The following TMEM44 variants were observed in gnomAD, a reference collection of about 807,000 sequenced individuals.
The protein encoded by TMEM44 is transmembrane protein 44.
A neutral mutation model predicts 47.8 loss-of-function variants in TMEM44; 43 were observed. The ratio of observed to expected loss-of-function variants is 0.90; its 90% CI spans 0.70 to 1.16. The LOEUF (loss-of-function observed/expected upper bound fraction) is 1.16, where lower values mean the gene tolerates loss of function less well. Among genes scored for constraint, TMEM44 ranks in the 50% most tolerant of loss-of-function variants. The pLI is 0.00. For missense variants in TMEM44, 568 were observed against 555.2 expected, an observed-to-expected ratio of 1.02 and a Z score of -0.23; for synonymous variants, 277 against 238.8, an observed-to-expected ratio of 1.16 and a Z score of -1.48.
At chr3:194,624,709 A>G (rs6800972) in intron 3 of TMEM44, among the ~76,000 whole-genome samples, 124,120 of 151,142 alleles carry the variant, frequency 0.82, 51,046 homozygotes, top group South Asian at 0.9. Flanking sequence ...ATGAGCCACC[A>G]CACCACTTGG....
intron 3 of TMEM44, 79 bp downstream of exon 3, chr3:194,625,818 G>T: frequency 7.7e-7 from 1 of 1,294,160 alleles, no homozygotes; most frequent in Non-Finnish European, 1.1e-6. Context: ...CCCGCTCTGG[G>T]AGTGATAAGG....
chr3:194,612,743 CA>C (rs1715455245), intron 7 of TMEM44, among the ~76,000 whole-genome samples: 1 of 152,150 alleles, frequency 6.6e-6, no homozygotes, highest in Non-Finnish European at 1.5e-5. Flanking sequence ...CGACTCACTG[CA>C]AGCTCCGCCT....
rs772175905 is a variant in TMEM44, at chr3:194,615,683, C to T, written c.798G>A (p.Ser266=). The change falls in exon 7 of 10, where the codon TCG becomes TCA. Residue 266 remains serine, a synonymous_variant. Transcript: ENST00000347147. ...AALDLAIIFL[S]CVMKSKMRQA... is the part of the protein sequence containing the mutation. Reference sequence around the variant, plus strand: ...GTCTCATCTTGCTCTTCATCACACACGAAAGGAAAATAATCTGAGATGGTG... The same window carrying T: ...GTCTCATCTTGCTCTTCATCACACATGAAAGGAAAATAATCTGAGATGGTG... 37 of 1,613,806 alleles carry T rather than the reference C, an allele frequency of 2.3e-5. 1 individual carries two copies. The highest frequency in any genetic ancestry group is 3.3e-5 in the South Asian group (3 of 91,084).
intron 9 of TMEM44, among the ~76,000 whole-genome samples, chr3:194,596,675 C>A (rs1022451977): frequency 6.6e-6 from 1 of 152,158 alleles, no homozygotes; most frequent in Non-Finnish European, 1.5e-5. Context: ...CCTGTAATCT[C>A]AGCTACTCGG....
intron 5 of TMEM44, among the ~76,000 whole-genome samples, chr3:194,620,949 C>T (rs1716468552): frequency 6.6e-6 from 1 of 151,744 alleles, no homozygotes; most frequent in Admixed American, 6.6e-5. Flanking sequence ...TCACTGGAAC[C>T]CGGGAGGCAG....
intron 2 of TMEM44, among the ~76,000 whole-genome samples, chr3:194,626,331 A>C (rs1717177541): frequency 2.0e-5 from 3 of 152,232 alleles, no homozygotes; most frequent in Admixed American, 2.0e-4. Flanking sequence ...TCTGGCGCTC[A>C]GTTTCCCCAT....
At chr3:194,623,747 G>C in intron 3 of TMEM44, 52 bp from the exon 4 acceptor site, 1 of 1,607,606 alleles carries the variant, frequency 6.2e-7, no homozygotes, top group African/African-American at 1.3e-5. Flanking sequence ...GACCTTGTCA[G>C]ATCAGATAGC....
At chr3:194,631,560 T>C (rs757379609) in intron 1 of TMEM44, among the ~76,000 whole-genome samples, 1 of 152,106 alleles carries the variant, frequency 6.6e-6, no homozygotes, top group Non-Finnish European at 1.5e-5. Flanking sequence ...GGAGTGGAGA[T>C]TCTTAAATTG....
At position 194,604,293 on chromosome 3, in the gene TMEM44, G is replaced by C; in HGVS notation, c.1170C>G (p.Asp390Glu). 6.3e-7 allele frequency: 1 copy of C among 1,578,948 alleles called. No homozygotes were observed. Among genetic ancestry groups the C allele is most frequent in the African/African-American group, 1.3e-5 (1 of 74,178 alleles). The change falls in exon 9 of 10, where the codon GAC (aspartate) becomes GAG (glutamate). Residue 390 changes from aspartate (D) to glutamate (E), a missense_variant. Coordinates refer to ENST00000347147, the MANE Select transcript of TMEM44 (RefSeq NM_001011655.3). ...GCAGGCAACAGCCGTGTACCTCCAG[G>C]TCGGAGTTGATGGAGGAGACCTCAG... Reference protein sequence around the residue: ...SSSEVSSINSDLEWDPEDVNL... With the variant: ...SSSEVSSINSELEWDPEDVNL...
At chr3:194,600,149 T>C (rs1011001816) in intron 9 of TMEM44, among the ~76,000 whole-genome samples, 5 of 152,134 alleles carry the variant, frequency 3.3e-5, no homozygotes, top group African/African-American at 1.2e-4. Context: ...TGGAGTGCAG[T>C]GGCACAATCT....
chr3:194,605,152 CTATCTATG>C (rs1231511014), intron 8 of TMEM44, among the ~76,000 whole-genome samples: 94 of 122,790 alleles, frequency 7.7e-4, no homozygotes, highest in African/African-American at 1.9e-3. Context: ...ATGTATGTAT[CTATCTATG>C]TATCTATTTA....
chr3:194,604,343 C>T lies in TMEM44; in HGVS notation c.1120G>A (p.Ala374Thr). The change falls in exon 9 of 10, where the codon GCC becomes ACC. Residue 374 changes from alanine to threonine, a missense_variant. By Grantham distance (58) the Ala-to-Thr change is moderately conservative. Transcript: ENST00000347147. ...PSYPPVQVIR[A>T]RVSSGSSSEV... ...GAGGAGCTGCCGGAAGACACCCGGGCCCGGATGACCTGAACGGGAGGGTAC... is the reference window on the plus strand; with the variant it reads ...GAGGAGCTGCCGGAAGACACCCGGGTCCGGATGACCTGAACGGGAGGGTAC... 1 of 1,575,116 alleles carries T rather than the reference C, an allele frequency of 6.3e-7. No individual in the cohort carries two copies. The highest frequency in any genetic ancestry group is 8.6e-7 in the Non-Finnish European group (1 of 1,160,778).
At chr3:194,599,589 T>TTCTTTTC (rs769609540) in intron 9 of TMEM44, among the ~76,000 whole-genome samples, 2,404 of 57,140 alleles carry the variant, frequency 0.042, 77 homozygotes, top group African/African-American at 0.13. Context: ...TTCTTTTCTT[T>TTCTTTTC]TTTTTTTTTT....
chr3:194,619,274 G>A (rs1158729995), intron 5 of TMEM44, among the ~76,000 whole-genome samples: 1 of 152,244 alleles, frequency 6.6e-6, no homozygotes, highest in African/African-American at 2.4e-5. Context: ...AAAAAATAGA[G>A]AGCTCTATTT....
At chr3:194,597,183 A>C (rs1713521921) in intron 9 of TMEM44, 1 of 152,218 alleles carries the variant, frequency 6.6e-6, no homozygotes, top group Non-Finnish European at 1.5e-5. Flanking sequence ...CCAATGACAG[A>C]AACAGCCTCC....
At position 194,630,404 on chromosome 3, in the gene TMEM44, T is replaced by G. The variant is rs560641746; in HGVS notation, c.138-1895A>C. ...GGCTGGCTGTTTCCGTCGGCATCAC[T>G]GATAGGGCCCCTGAAATAATACGCT... is the stretch of plus-strand genomic sequence containing the variant. On this transcript the variant is annotated intron_variant, in intron 1 of 9. Transcript: ENST00000347147. Among the ~76,000 whole-genome samples the G allele has an allele frequency of 3.0e-3, 368 of 123,350 alleles. 10 individuals are homozygous for G. Among genetic ancestry groups the G allele is most frequent in the African/African-American group, 0.011 (329 of 30,336 alleles). 80.9% of individuals were successfully genotyped at this position (123,350 alleles called of 152,430 possible).
chr3:194,590,828 T>C (rs1246019208), intron 9 of TMEM44, among the ~76,000 whole-genome samples: 1 of 152,198 alleles, frequency 6.6e-6, no homozygotes, highest in African/African-American at 2.4e-5. Context: ...TGCTGAAGAA[T>C]GATTCTTGCC....
At chr3:194,623,975 G>A (rs1372168976) in intron 3 of TMEM44, among the ~76,000 whole-genome samples, 1 of 152,086 alleles carries the variant, frequency 6.6e-6, no homozygotes, top group Non-Finnish European at 1.5e-5. Flanking sequence ...ATGCATCTGC[G>A]TGCAGACAGC....
At chr3:194,592,180 TGCAGTCC>T (rs1712832808) in intron 9 of TMEM44, among the ~76,000 whole-genome samples, 1 of 147,432 alleles carries the variant, frequency 6.8e-6, no homozygotes, top group Admixed American at 6.9e-5. Context: ...ATCGCACCAC[TGCAGTCC>T]GCAGTCCGGC....
Sources: allele counts gnomAD v4.1 joint callset (sites outside exome capture counted in the v4.1 genomes callset), GRCh38; gene constraint gnomAD v4.1.1; transcripts MANE v1.5; gene names NCBI Gene and HGNC (gene_info 2026-07-23, HGNC 2026-07-21).